Variants in KLHL7 observed in about 807,000 individuals in gnomAD.
The protein encoded by KLHL7 is kelch-like protein 7.
In KLHL7, 44 loss-of-function variants were observed where a neutral mutation model predicts 67.4. The observed-to-expected ratio is 0.65, with a 90% CI of 0.51 to 0.84. KLHL7 has a LOEUF of 0.84. Among genes scored for constraint, KLHL7 ranks in the 40% least tolerant of loss-of-function variants. The probability of loss-of-function intolerance (pLI) is 0.00; values close to 1 mark genes in which losing one functional copy is unlikely to be tolerated. For missense variants in KLHL7, 362 were observed against 718.1 expected (o/e 0.50, Z 5.67); for synonymous variants, 252 against 243.3 (o/e 1.04, Z -0.33).
intron 1 of KLHL7, among the ~76,000 whole-genome samples, chr7:23,108,260 T>G (rs1782726328): frequency 6.6e-6 from 1 of 152,238 alleles, no homozygotes; most frequent in Non-Finnish European, 1.5e-5. Context: ...TTTGTTATTT[T>G]AGATAACATG....
At chr7:23,127,017 A>G (rs1043495055) in intron 4 of KLHL7, among the ~76,000 whole-genome samples, 1 of 152,202 alleles carries the variant, frequency 6.6e-6, no homozygotes, top group African/African-American at 2.4e-5. Flanking sequence ...TTCACTCATC[A>G]ATAAGATTTA....
intron 1 of KLHL7, among the ~76,000 whole-genome samples, chr7:23,116,535 C>A (rs1442935175): frequency 6.6e-6 from 1 of 152,244 alleles, no homozygotes; most frequent in Non-Finnish European, 1.5e-5. Flanking sequence ...CTTTCTACAT[C>A]AGGTAGCTGA....
intron 4 of KLHL7, among the ~76,000 whole-genome samples, chr7:23,131,944 T>C (rs1783817535): frequency 6.6e-6 from 1 of 152,082 alleles, no homozygotes. Flanking sequence ...TTAACATAAT[T>C]ATCTCCAGTT....
At chr7:23,164,235 C>T (rs372498419) in intron 7 of KLHL7, among the ~76,000 whole-genome samples, 114 of 150,476 alleles carry the variant, frequency 7.6e-4, no homozygotes, top group African/African-American at 2.7e-3. Flanking sequence ...ATATAGCTCT[C>T]AAGTAATAAA....
At chr7:23,115,461 AG>A in intron 1 of KLHL7, among the ~76,000 whole-genome samples, 1 of 152,242 alleles carries the variant, frequency 6.6e-6, no homozygotes, top group Non-Finnish European at 1.5e-5. Context: ...CCATGCTTAT[AG>A]GGGCACTGTT....
At position 23,143,990 on chromosome 7, in the gene KLHL7, T is replaced by C. The variant is rs1784274038; in HGVS notation, c.758T>C (p.Ile253Thr). The stretch of plus-strand genomic sequence containing the variant: ...AAAACGGTACAAGCTGAACCACTTA[T>C]TCAAGACAATCCTGAATGCCTTAAG... ...LSKTVQAEPL[I>T]QDNPECLKMV... The change falls in exon 6 of 11, where the codon ATT (isoleucine) becomes ACT (threonine). Residue 253 changes from isoleucine to threonine, a missense_variant. Transcript: ENST00000339077. 1.2e-6 allele frequency: 2 copies of C among 1,613,892 alleles called. No homozygotes were observed. The highest frequency in any genetic ancestry group is 2.2e-5 in the East Asian group (1 of 44,880).
intron 9 of KLHL7, among the ~76,000 whole-genome samples, chr7:23,171,814 A>G (rs987416772): frequency 6.6e-6 from 1 of 152,152 alleles, no homozygotes; most frequent in Admixed American, 6.5e-5. Context: ...GGTTCACGCC[A>G]TTCTCCTGCC....
chr7:23,172,851 G>C, intron 9 of KLHL7, 97 bp from the exon 10 acceptor site: 1 of 901,964 alleles, frequency 1.1e-6, no homozygotes, highest in Non-Finnish European at 1.9e-6. Flanking sequence ...TATGTGAGTA[G>C]TAAATGAGCA....
At chr7:23,116,143 G>A (rs553582113) in intron 1 of KLHL7, among the ~76,000 whole-genome samples, 1 of 152,150 alleles carries the variant, frequency 6.6e-6, no homozygotes, top group African/African-American at 2.4e-5. Context: ...CTTCCTGATT[G>A]TTCTGCACTT....
At chr7:23,138,911 TA>T (rs1784082584) in intron 4 of KLHL7, among the ~76,000 whole-genome samples, 1 of 152,120 alleles carries the variant, frequency 6.6e-6, no homozygotes, top group South Asian at 2.1e-4. Context: ...GATTAATTCT[TA>T]CGTTATTTAA....
intron 4 of KLHL7, among the ~76,000 whole-genome samples, chr7:23,126,945 T>A (rs918655077): frequency 1.3e-5 from 2 of 152,166 alleles, no homozygotes; most frequent in Admixed American, 1.3e-4. Context: ...TCTCTAATCC[T>A]ACCTGTACAG....
intron 7 of KLHL7, among the ~76,000 whole-genome samples, chr7:23,163,203 T>G (rs1420085276): frequency 6.6e-6 from 1 of 152,086 alleles, no homozygotes; most frequent in Non-Finnish European, 1.5e-5. Context: ...GGAGTTTCGC[T>G]CTTGTTGCTC....
chr7:23,172,778 C>G (rs1309787982), intron 9 of KLHL7, 170 bp from the exon 10 acceptor site: 9 of 577,412 alleles, frequency 1.6e-5, no homozygotes, highest in Non-Finnish European at 2.8e-5. Flanking sequence ...AATAAATTAC[C>G]CATAATCATT....
At chr7:23,118,835 G>T (rs1783207041) in intron 1 of KLHL7, among the ~76,000 whole-genome samples, 1 of 151,982 alleles carries the variant, frequency 6.6e-6, no homozygotes, top group African/African-American at 2.4e-5. Flanking sequence ...ACTTTGAGAG[G>T]CCAAGGTAGT....
rs145299176 is a variant in KLHL7, at chr7:23,160,734, A to G, written c.937-4964A>G. Among the ~76,000 whole-genome samples the G allele has an allele frequency of 1.2e-3, 179 of 152,322 alleles. 1 individual carries two copies. The highest frequency in any genetic ancestry group is 4.0e-3 in the African/African-American group (168 of 41,556). On this transcript the variant is annotated intron_variant, in intron 7 of 10. Transcript: ENST00000339077. ...ATATTTTTCCTAATGGCTAATTACTAAATTTCTTTCTGGACTTAAGGAGGT... is the reference window on the plus strand; with the variant it reads ...ATATTTTTCCTAATGGCTAATTACTGAATTTCTTTCTGGACTTAAGGAGGT...
intron 6 of KLHL7, among the ~76,000 whole-genome samples, chr7:23,146,252 C>G (rs1415522907): frequency 6.6e-6 from 1 of 152,200 alleles, no homozygotes; most frequent in East Asian, 1.9e-4. Context: ...CTTCTAGGTA[C>G]TTAGTATCTC....
rs1249550004 is a variant in KLHL7 at position 23,175,686 on chromosome 7, C to G, written c.*1388C>G. On this transcript the variant is annotated 3_prime_UTR_variant, in exon 11 of 11. Coordinates refer to ENST00000339077, the MANE Select transcript of KLHL7 (RefSeq NM_001031710.3). ...TTTAAAGTATACTATTCAGGCCAGG[C>G]ACAGTGGCTCACGCCTGTAATCCCA... The G allele has an allele frequency of 2.2e-5, 5 of 225,032 alleles. No homozygotes were observed. Among genetic ancestry groups the G allele is most frequent in the Non-Finnish European group, 1.7e-5 (2 of 114,330 alleles). 13.9% of individuals were successfully genotyped at this position (225,032 alleles called of 1,614,324 possible).
intron 4 of KLHL7, 119 bp downstream of exon 4, chr7:23,125,291 A>G: frequency 9.5e-7 from 1 of 1,048,540 alleles, no homozygotes; most frequent in Non-Finnish European, 1.4e-6. Context: ...ATTGTCCACT[A>G]GAACGTTTTC....
chr7:23,117,916 G>A, intron 1 of KLHL7: 1 of 1,614,030 alleles, frequency 6.2e-7, no homozygotes, highest in Non-Finnish European at 8.5e-7. Context: ...ATATCATGCT[G>A]GGAGGGACTG....
Sources: allele counts gnomAD v4.1 joint callset (sites outside exome capture counted in the v4.1 genomes callset), GRCh38; gene constraint gnomAD v4.1.1; transcripts MANE v1.5; gene names NCBI Gene and HGNC (gene_info 2026-07-23, HGNC 2026-07-21).